DPY19L3: variants seen among roughly 807,000 people sequenced by gnomAD.
DPY19L3 encodes dpy-19 like C-mannosyltransferase 3, also known as protein C-mannosyl-transferase DPY19L3.
In DPY19L3, 51 loss-of-function variants were observed where a neutral mutation model predicts 92.3. That is an observed-to-expected ratio of 0.55 (90% CI 0.44 to 0.70). DPY19L3 has a LOEUF of 0.70. Among genes scored for constraint, DPY19L3 ranks in the 30% least tolerant of loss-of-function variants. The pLI is 0.00. For synonymous variants in DPY19L3, 309 were observed against 315.2 expected (o/e 0.98, Z 0.21); for missense variants, 706 against 855.9 (o/e 0.82, Z 2.18).
At position 32,458,441 on chromosome 19, in the gene DPY19L3, T is replaced by C; in HGVS notation, c.1254T>C (p.Phe418=). 3 of 1,613,944 alleles carry C rather than the reference T, an allele frequency of 1.9e-6. No homozygotes were observed. The highest frequency in any genetic ancestry group is 2.5e-6 in the Non-Finnish European group (3 of 1,179,998). The change falls in exon 12 of 19, where the codon TTT becomes TTC. Residue 418 remains phenylalanine (F), a synonymous_variant. Transcript: ENST00000392250. ...GAAGGCTTTCAGATACTCTGCTTTT[T>C]TATGCTTACATATTCGTTCTGTCCA... ...TFGRLSDTLL[F]YAYIFVLSIT... is the part of the protein sequence containing the mutation.
chr19:32,448,392 A>G (rs1221987239), intron 8 of DPY19L3, among the ~76,000 whole-genome samples: 2 of 152,210 alleles, frequency 1.3e-5, no homozygotes, highest in African/African-American at 4.8e-5. Flanking sequence ...CACAGGGGCT[A>G]CTGGTGCCGA....
intron 3 of DPY19L3, among the ~76,000 whole-genome samples, chr19:32,422,149 A>C (rs1313317635): frequency 6.6e-6 from 1 of 152,214 alleles, no homozygotes; most frequent in Non-Finnish European, 1.5e-5. Flanking sequence ...TGATACTGCA[A>C]CAAAAAAGGG....
chr19:32,428,605 C>A (rs1169266232), intron 3 of DPY19L3, among the ~76,000 whole-genome samples: 1 of 152,102 alleles, frequency 6.6e-6, no homozygotes, highest in Non-Finnish European at 1.5e-5. Context: ...TGTGGGGGAT[C>A]TATTTACGTG....
intron 16 of DPY19L3, among the ~76,000 whole-genome samples, chr19:32,472,235 G>C (rs1196062245): frequency 2.6e-5 from 4 of 152,156 alleles, no homozygotes; most frequent in Admixed American, 6.5e-5. Flanking sequence ...TGAAGCTTCA[G>C]TATGAAACCA....
intron 10 of DPY19L3, among the ~76,000 whole-genome samples, chr19:32,456,156 G>C (rs1042690036): frequency 7.5e-6 from 1 of 133,926 alleles, no homozygotes; most frequent in Non-Finnish European, 1.5e-5. Flanking sequence ...GCTCACTGCA[G>C]CCTCGATCTC....
intron 16 of DPY19L3, among the ~76,000 whole-genome samples, chr19:32,473,042 A>G (rs1970402779): frequency 6.6e-6 from 1 of 152,162 alleles, no homozygotes; most frequent in Admixed American, 6.5e-5. Context: ...GATAAAGCAA[A>G]TGTTCACACA....
At chr19:32,437,363 T>C (rs762221942) in intron 6 of DPY19L3, 24 bp downstream of exon 6, 1 of 1,570,002 alleles carries the variant, frequency 6.4e-7, no homozygotes, top group South Asian at 1.2e-5. Flanking sequence ...AGTATGCTTC[T>C]TTTTTTTCCA....
rs184688759 is a variant in DPY19L3, at chr19:32,411,705, C to T, written c.237+333C>T. On this transcript the variant is annotated intron_variant, in intron 3 of 18. Transcript: ENST00000392250. ...GGCTTAGCCTCCCAAGTAGCTGGGA[C>T]TATAGGTGCGTGCCACCACACCCAG... 586 of 307,698 alleles carry T rather than the reference C, an allele frequency of 1.9e-3. 1 individual carries two copies. The highest frequency in any genetic ancestry group is 2.5e-3 in the Non-Finnish European group (436 of 172,298). 19.1% of individuals were successfully genotyped at this position (307,698 alleles called of 1,614,324 possible).
chr19:32,417,736 T>A (rs147957473), intron 3 of DPY19L3, among the ~76,000 whole-genome samples: 288 of 152,364 alleles, frequency 1.9e-3, no homozygotes, highest in African/African-American at 6.0e-3. Context: ...CTCTCCACCC[T>A]TGTGGAACTG....
chr19:32,482,217 T>TGTA lies in DPY19L3; in HGVS notation c.2128_2129insGTA (p.Tyr710delinsCysAsn). The stretch of plus-strand genomic sequence containing the variant: ...GTTCCAGAACAAAACCTTCCACGTT[T>TGTA]ACAAGCTGTCCAGAAACAAGTAGCG... On this transcript the variant is annotated protein_altering_variant, in exon 19 of 19. Transcript: ENST00000392250. 1 of 1,613,202 alleles carries TGTA rather than the reference T, an allele frequency of 6.2e-7. No homozygotes were observed. Among genetic ancestry groups the TGTA allele is most frequent in the East Asian group, 2.2e-5 (1 of 44,862 alleles).
rs751529437 is a variant in DPY19L3, at chr19:32,458,502, A to T, written c.1315A>T (p.Asn439Tyr). 1.9e-6 allele frequency: 3 copies of T among 1,609,070 alleles called. No homozygotes were observed. The highest frequency in any genetic ancestry group is 2.5e-6 in the Non-Finnish European group (3 of 1,178,870). Reference sequence around the variant, plus strand: ...TGTAGCATTCGTTGTTGCCTTTCATAATCTCAGGTATGGTATATTTCAGAA... The same window carrying T: ...TGTAGCATTCGTTGTTGCCTTTCATTATCTCAGGTATGGTATATTTCAGAA... ...VIVAFVVAFH[N>Y]LSDSTNQQSV... The change falls in exon 12 of 19, where the codon AAT becomes TAT. Residue 439 changes from asparagine to tyrosine, a missense_variant. Transcript: ENST00000392250.
At chr19:32,456,285 G>A (rs1969863496) in intron 10 of DPY19L3, among the ~76,000 whole-genome samples, 2 of 151,862 alleles carry the variant, frequency 1.3e-5, no homozygotes, top group Non-Finnish European at 2.9e-5. Flanking sequence ...GTGTTGCCCA[G>A]GCTGGTCTTA....
At chr19:32,413,102 A>G (rs1031062814) in intron 3 of DPY19L3, 2 of 152,282 alleles carry the variant, frequency 1.3e-5, no homozygotes, top group African/African-American at 4.8e-5. Context: ...TTACATTTTA[A>G]TCTAATATGT....
intron 3 of DPY19L3, among the ~76,000 whole-genome samples, chr19:32,427,373 A>G (rs953816398): frequency 3.9e-5 from 6 of 152,198 alleles, no homozygotes; most frequent in African/African-American, 1.4e-4. Context: ...CCCAGCAAAT[A>G]AATATGCAAT....
At chr19:32,455,426 C>T (rs2145569522) in intron 10 of DPY19L3, among the ~76,000 whole-genome samples, 1 of 152,278 alleles carries the variant, frequency 6.6e-6, no homozygotes, top group Middle Eastern at 3.4e-3. Flanking sequence ...TTATGTCCCA[C>T]CTTGAACTTA....
intron 13 of DPY19L3, 135 bp downstream of exon 13, chr19:32,463,623 C>A: frequency 9.0e-7 from 1 of 1,108,216 alleles, no homozygotes; most frequent in East Asian, 2.4e-5. Flanking sequence ...ATCCTATCTT[C>A]TCTCAGTATA....
rs1969816164 is a variant in DPY19L3, at chr19:32,454,846, C to T, written c.988-93C>T. The T allele has an allele frequency of 9.1e-6, 7 of 770,930 alleles. No individual in the cohort carries two copies. In the East Asian group the frequency reaches 1.4e-4, roughly 15 times the overall value. 47.8% of individuals were successfully genotyped at this position (770,930 alleles called of 1,614,324 possible). A position where few individuals can be genotyped will look rare whatever the true frequency, so the allele number is the denominator to read the frequency against. On this transcript the variant is annotated intron_variant, in intron 9 of 18. Transcript: ENST00000392250. ...TATTTTCCCTTTATGTTATATGAGC[C>T]AGTGTTTTTAAATCCTTAAGTAAGC...
chr19:32,428,143 T>C (rs1348165997), intron 3 of DPY19L3: 1 of 152,118 alleles, frequency 6.6e-6, no homozygotes, highest in Non-Finnish European at 1.5e-5. Context: ...AGCTAATTTT[T>C]GTATTTTTAG....
At chr19:32,433,283 C>T (rs913872714) in intron 4 of DPY19L3, among the ~76,000 whole-genome samples, 1 of 152,210 alleles carries the variant, frequency 6.6e-6, no homozygotes, top group East Asian at 1.9e-4. Flanking sequence ...CTAATGAAAG[C>T]CCCAACATGG....
Sources: allele counts gnomAD v4.1 joint callset (sites outside exome capture counted in the v4.1 genomes callset), GRCh38; gene constraint gnomAD v4.1.1; transcripts MANE v1.5; gene names NCBI Gene and HGNC (gene_info 2026-07-23, HGNC 2026-07-21).